Variants in ATL1 observed in about 807,000 individuals in gnomAD.
ATL1 encodes atlastin-1.
ATL1 carries 31 observed loss-of-function variants against 75.5 expected under a neutral mutation model. That is an observed-to-expected ratio of 0.41 (90% CI 0.31 to 0.55). The LOEUF (loss-of-function observed/expected upper bound fraction) is 0.55. Among genes scored for constraint, ATL1 ranks in the 20% least tolerant of loss-of-function variants. The pLI, the probability that ATL1 is intolerant of heterozygous loss-of-function variation, is 0.27. For missense variants in ATL1, 405 were observed against 662.6 expected, an observed-to-expected ratio of 0.61 and a Z score of 4.27; for synonymous variants, 226 against 233.3, an observed-to-expected ratio of 0.97 and a Z score of 0.28.
chr14:50,621,339 A>C (rs1205582455), intron 9 of ATL1, among the ~76,000 whole-genome samples: 1 of 152,218 alleles, frequency 6.6e-6, no homozygotes, highest in African/African-American at 2.4e-5. Flanking sequence ...ATGTTTTGTC[A>C]TTTAATATGC....
At chr14:50,556,356 C>T (rs1244989496), upstream of ATL1, among the ~76,000 whole-genome samples, 1 of 152,090 alleles carries the variant, frequency 6.6e-6, no homozygotes, top group African/African-American at 2.4e-5. Flanking sequence ...GCTGGGACTG[C>T]AGGTGCACAT....
rs200600079 is a variant in ATL1 at position 50,548,738 on chromosome 14, C to G, written c.-139-11389C>G. 1.2e-4 allele frequency among the ~76,000 whole-genome samples: 18 copies of G among 152,174 alleles called. No homozygotes were observed. The East Asian group carries it at 3.3e-3, about 28-fold the overall frequency. ...TGTTAGCCAGGATGGTCTCGATCTCCTGACCTTGTGATCCGCCTGCCTCAG... is the reference window on the plus strand; with the variant it reads ...TGTTAGCCAGGATGGTCTCGATCTCGTGACCTTGTGATCCGCCTGCCTCAG... On this transcript the variant is annotated intron_variant, in intron 1 of 13. Coordinates refer to the ATL1 transcript ENST00000441560.
chr14:50,609,057 C>A (rs1464822370), intron 6 of ATL1, among the ~76,000 whole-genome samples: 1 of 151,860 alleles, frequency 6.6e-6, no homozygotes, highest in African/African-American at 2.4e-5. Flanking sequence ...TTAGAAGTGA[C>A]CCTGTTTAAG....
Position 50,578,150 on chromosome 14 carries a change from T to C in ATL1, c.35-9681T>C, listed in dbSNP as rs552528280. The stretch of plus-strand genomic sequence containing the variant: ...CTATACCAAGAAGGAATATTTAATA[T>C]GGTATTTTGCTTACATAGACAGAAT... On this transcript the variant is annotated intron_variant, in intron 1 of 13. Coordinates refer to ENST00000358385, the MANE Select transcript of ATL1 (RefSeq NM_015915.5). Among the ~76,000 whole-genome samples, 13 of 152,328 alleles carry C rather than the reference T, an allele frequency of 8.5e-5. No homozygotes were observed. The South Asian group carries it at 1.0e-3, about 12-fold the overall frequency.
chr14:50,543,443 G>A (rs551845010), intron 1 of ATL1, among the ~76,000 whole-genome samples: 1 of 152,286 alleles, frequency 6.6e-6, no homozygotes, highest in South Asian at 2.1e-4. Flanking sequence ...GCTTCTATTA[G>A]TGCCACAATT....
chr14:50,542,542 G>C (rs1018198415), intron 1 of ATL1: 1 of 152,188 alleles, frequency 6.6e-6, no homozygotes, highest in Admixed American at 6.5e-5. Context: ...GCAGAATTCC[G>C]TTGTCAAATG....
At chr14:50,565,081 G>A (rs1031980030) in intron 1 of ATL1, among the ~76,000 whole-genome samples, 1 of 152,090 alleles carries the variant, frequency 6.6e-6, no homozygotes, top group Non-Finnish European at 1.5e-5. Flanking sequence ...GAGGTCAGGA[G>A]TTCGAGACCA....
chr14:50,611,477 CAT>C (rs2039365657), intron 6 of ATL1, among the ~76,000 whole-genome samples: 2 of 152,030 alleles, frequency 1.3e-5, no homozygotes, highest in Admixed American at 6.6e-5. Flanking sequence ...AAAGTTATGA[CAT>C]GTAAAACGTA....
At chr14:50,534,484 A>G (rs564280720) in intron 1 of ATL1, among the ~76,000 whole-genome samples, 73 of 152,368 alleles carry the variant, frequency 4.8e-4, no homozygotes, top group African/African-American at 1.6e-3. Context: ...GACGAGGACA[A>G]ATATCCTGAC....
chr14:50,545,654 C>A (rs1210440311), intron 1 of ATL1, among the ~76,000 whole-genome samples: 1 of 152,086 alleles, frequency 6.6e-6, no homozygotes, highest in Admixed American at 6.6e-5. Flanking sequence ...AAAATAGATA[C>A]AAAAGTTAAG....
chr14:50,593,473 G>A (rs1280813597), intron 4 of ATL1, among the ~76,000 whole-genome samples: 1 of 152,132 alleles, frequency 6.6e-6, no homozygotes, highest in Non-Finnish European at 1.5e-5. Context: ...TTGTGAAGAA[G>A]TCAACATGAT....
At chr14:50,592,929 A>AAAAATAT (rs562590227) in intron 4 of ATL1, among the ~76,000 whole-genome samples, 6 of 113,882 alleles carry the variant, frequency 5.3e-5, no homozygotes, top group African/African-American at 2.1e-4. Flanking sequence ...AAAAAAAAAA[A>AAAAATAT]ATATATATAT....
intron 1 of ATL1, among the ~76,000 whole-genome samples, chr14:50,547,084 G>T (rs1163656421): frequency 6.6e-6 from 1 of 151,996 alleles, no homozygotes; most frequent in Admixed American, 6.6e-5. Context: ...GAACTTTAAG[G>T]TTTTTACTTA....
intron 1 of ATL1, among the ~76,000 whole-genome samples, chr14:50,573,838 AT>A (rs1341383348): frequency 3.9e-5 from 6 of 152,208 alleles, no homozygotes; most frequent in Admixed American, 6.5e-5. Flanking sequence ...GTGTGCACAA[AT>A]GTGGAATTGT....
intron 1 of ATL1, among the ~76,000 whole-genome samples, chr14:50,563,739 G>A (rs981742486): frequency 2.0e-5 from 3 of 152,190 alleles, no homozygotes; most frequent in Non-Finnish European, 2.9e-5. Context: ...GATGTTTGAA[G>A]ACCATACCCA....
At chr14:50,604,310 T>C (rs2039297222) in intron 6 of ATL1, among the ~76,000 whole-genome samples, 1 of 152,110 alleles carries the variant, frequency 6.6e-6, no homozygotes, top group African/African-American at 2.4e-5. Flanking sequence ...GAGCCACTTA[T>C]TAAGCTGTAT....
chr14:50,628,409 T>C lies in ATL1; in HGVS notation c.1498T>C (p.Tyr500His). The C allele has an allele frequency of 6.2e-7, 1 of 1,614,176 alleles. No homozygotes were observed. Among genetic ancestry groups the C allele is most frequent in the Non-Finnish European group, 8.5e-7 (1 of 1,180,036 alleles). The change falls in exon 12 of 14, where the codon TAC (tyrosine) becomes CAC (histidine). Residue 500 changes from tyrosine (Y) to histidine (H), a missense_variant. Around this residue, in one of 5 missense-constraint regions of ATL1, gnomAD observed 163 missense variants for 244.1 expected, o/e 0.67. Coordinates refer to ENST00000358385, the MANE Select transcript of ATL1 (RefSeq NM_015915.5). The stretch of plus-strand genomic sequence containing the variant: ...GGCATATATCCGGTACTCTGGAGAA[T>C]ACCGAGAGCTGGGAGCTGTAATAGA... Reference protein sequence around the residue: ...TWAYIRYSGEYRELGAVIDQV... With the variant: ...TWAYIRYSGEHRELGAVIDQV...
chr14:50,628,412 C>T lies in ATL1; in HGVS notation c.1501C>T (p.Arg501Ter), dbSNP rs1316385532. ...WAYIRYSGEY[R>*]ELGAVIDQVA... ...ATATATCCGGTACTCTGGAGAATAC[C>T]GAGAGCTGGGAGCTGTAATAGACCA... Residue 501 changes from arginine to a stop codon, truncating the protein, a stop_gained, in exon 12 of 14, where the codon CGA becomes TGA. Coordinates refer to ENST00000358385, the MANE Select transcript of ATL1 (RefSeq NM_015915.5). LOFTEE classifies it high-confidence loss of function. 3.7e-6 allele frequency: 6 copies of T among 1,614,042 alleles called. No individual in the cohort carries two copies. Among genetic ancestry groups the T allele is most frequent in the East Asian group, 2.2e-5 (1 of 44,868 alleles).
intron 1 of ATL1, among the ~76,000 whole-genome samples, chr14:50,547,855 G>A (rs1472100075): frequency 6.6e-6 from 1 of 152,132 alleles, no homozygotes; most frequent in African/African-American, 2.4e-5. Flanking sequence ...CCTTCACTTG[G>A]GAGGGCCAAT....
Sources: allele counts gnomAD v4.1 joint callset (sites outside exome capture counted in the v4.1 genomes callset), GRCh38; gene constraint gnomAD v4.1.1; regional missense constraint gnomAD v4.1.1; transcripts MANE v1.5; gene names NCBI Gene and HGNC (gene_info 2026-07-23, HGNC 2026-07-21).